MYOF: variants seen among roughly 807,000 people sequenced by gnomAD.
MYOF encodes the protein myoferlin, also known as fer-1-like 3, myoferlin.
In MYOF, 244 loss-of-function variants were observed where a neutral mutation model predicts 284.2. The observed-to-expected ratio is 0.86, with a 90% CI of 0.77 to 0.95. The LOEUF (loss-of-function observed/expected upper bound fraction) is 0.95. MYOF is among the 40% of genes least tolerant of loss of function. The probability of loss-of-function intolerance (pLI) is 0.00; values close to 1 mark genes in which losing one functional copy is unlikely to be tolerated. For synonymous variants in MYOF, 904 were observed against 919.7 expected (o/e 0.98, Z 0.31); for missense variants, 2,496 against 2,560.6 (o/e 0.97, Z 0.54).
rs779112671 is a variant in MYOF at position 93,333,801 on chromosome 10, A to G, written c.4676T>C (p.Ile1559Thr). The change falls in exon 42 of 54, where the codon ATT (isoleucine) becomes ACT (threonine). Residue 1559 changes from isoleucine to threonine, a missense_variant. Physicochemically the swap from Ile to Thr is moderately conservative, Grantham distance 89. Coordinates refer to ENST00000359263, the MANE Select transcript of MYOF (RefSeq NM_013451.4). The part of the protein sequence containing the change: ...VPQECTVRIY[I>T]VRGLELQPQD... ...GGGCTGGAGCTCTAAGCCTCGAACA[A>G]TGTAAATCCTAACCGTGCATTCCTG... 1 of 1,614,176 alleles carries G rather than the reference A, an allele frequency of 6.2e-7. No homozygotes were observed. Among genetic ancestry groups the G allele is most frequent in the South Asian group, 1.1e-5 (1 of 91,084 alleles).
Position 93,364,058 on chromosome 10 carries a change from T to C in MYOF, c.2771A>G (p.Asp924Gly). The C allele has an allele frequency of 3.1e-6, 5 of 1,614,138 alleles. No individual in the cohort carries two copies. Among genetic ancestry groups the C allele is most frequent in the Non-Finnish European group, 3.4e-6 (4 of 1,180,006 alleles). ...DPERSLLTEA[D>G]AGHTEFTDEV... ...ATCAGTGAACTCCGTGTGACCTGCA[T>C]CTGCCTCAGTCAGCAAGCTGTGGGG... is the stretch of plus-strand genomic sequence containing the variant. The change falls in exon 27 of 54, where the codon GAT (aspartate) becomes GGT (glycine). Residue 924 changes from aspartate to glycine, a missense_variant. Asp to Gly is a moderately conservative substitution (Grantham distance 94). Around this residue, in one of 3 missense-constraint regions of MYOF, gnomAD observed 2,436 missense variants for 2,480.7 expected, o/e 0.98. Transcript: ENST00000359263.
chr10:93,441,458 C>T lies in MYOF; in HGVS notation c.237-9942G>A, dbSNP rs529527807. Among the ~76,000 whole-genome samples, 6 of 151,820 alleles carry T rather than the reference C, an allele frequency of 4.0e-5. No individual in the cohort carries two copies. The East Asian group carries it at 7.8e-4, about 20-fold the overall frequency. ...GGAGTGCAGTGGTGCAATCTCAGCT[C>T]ATTGCAAGCTCCACCTCTTGAATTC... On this transcript the variant is annotated intron_variant, in intron 3 of 53. Coordinates refer to ENST00000359263, the MANE Select transcript of MYOF (RefSeq NM_013451.4).
intron 29 of MYOF, among the ~76,000 whole-genome samples, chr10:93,358,793 C>T (rs906945069): frequency 6.6e-6 from 1 of 151,994 alleles, no homozygotes; most frequent in Non-Finnish European, 1.5e-5. Context: ...ACACTGGGGC[C>T]GGCGGGTGGA....
chr10:93,360,995 T>C (rs1361447693), intron 28 of MYOF, among the ~76,000 whole-genome samples: 1 of 152,162 alleles, frequency 6.6e-6, no homozygotes, highest in African/African-American at 2.4e-5. Context: ...GATTCTACAT[T>C]TGGTTAGTCA....
At chr10:93,397,076 C>A in intron 15 of MYOF, 171 bp downstream of exon 15, 1 of 525,144 alleles carries the variant, frequency 1.9e-6, no homozygotes, top group South Asian at 3.2e-5. Context: ...GCTTTTTTTG[C>A]AGTAACACTA....
At position 93,313,134 on chromosome 10, in the gene MYOF, C is replaced by T. The variant is rs747282819; in HGVS notation, c.5775G>A (p.Pro1925=). The T allele has an allele frequency of 8.1e-6, 13 of 1,613,886 alleles. No homozygotes were observed. Among genetic ancestry groups the T allele is most frequent in the Middle Eastern group, 1.6e-4 (1 of 6,082 alleles). Residue 1925 remains proline, a synonymous_variant, in exon 51 of 54, where the codon CCG becomes CCA. Coordinates refer to ENST00000359263, the MANE Select transcript of MYOF (RefSeq NM_013451.4). ...SPEKCRLDMI[P]DLKAMNPLKA... ...TAAGGGGGTTCATGGCTTTGAGGTC[C>T]GGAATCATGTCCAATCTGCATTTCT...
intron 45 of MYOF, among the ~76,000 whole-genome samples, chr10:93,326,666 C>T (rs1259124794): frequency 6.6e-6 from 1 of 152,210 alleles, no homozygotes; most frequent in Non-Finnish European, 1.5e-5. Flanking sequence ...GCTCTGTCAT[C>T]CAGGCTGGAG....
rs777374013 is a variant in MYOF, at chr10:93,374,888, G to T, written c.2176C>A (p.Arg726=). The change falls in exon 23 of 54, where the codon CGG becomes AGG. Residue 726 remains arginine (R), a synonymous_variant. Transcript: ENST00000359263. ...TGTATTTGGGAGAGAGACCTGGACC[G>T]CAGCTTTCGGATCTGAGTATCGAGA... The part of the protein sequence containing the change: ...TVLDTQIRKL[R]SRSLSQIHEA... The T allele has an allele frequency of 6.2e-7, 1 of 1,614,022 alleles. No individual in the cohort carries two copies. The highest frequency in any genetic ancestry group is 8.5e-7 in the Non-Finnish European group (1 of 1,180,022).
At chr10:93,370,917 CTCTT>C (rs1303595100) in intron 24 of MYOF, among the ~76,000 whole-genome samples, 3 of 151,934 alleles carry the variant, frequency 2.0e-5, no homozygotes, top group African/African-American at 7.3e-5. Context: ...AGGAAAATAA[CTCTT>C]TATTTGTTGG....
At chr10:93,373,213 G>A in intron 23 of MYOF, 128 bp from the exon 24 acceptor site, 2 of 1,098,606 alleles carry the variant, frequency 1.8e-6, no homozygotes, top group Admixed American at 2.2e-5. Flanking sequence ...TTAGGGCTCT[G>A]TCTCAAATTC....
At chr10:93,394,069 A>G (rs1846831161) in intron 16 of MYOF, among the ~76,000 whole-genome samples, 1 of 152,112 alleles carries the variant, frequency 6.6e-6, no homozygotes. Flanking sequence ...ATTTGCTTAA[A>G]ATAATGCCAC....
intron 1 of MYOF, among the ~76,000 whole-genome samples, chr10:93,470,246 G>C (rs200464912): frequency 2.0e-4 from 4 of 20,136 alleles, no homozygotes; most frequent in South Asian, 5.0e-3. Context: ...AAAAAAGAAA[G>C]AAACAAAGAA....
At chr10:93,341,444 T>A (rs1843907011) in intron 38 of MYOF, among the ~76,000 whole-genome samples, 1 of 151,866 alleles carries the variant, frequency 6.6e-6, no homozygotes, top group Admixed American at 6.6e-5. Flanking sequence ...CCTGGCTAAT[T>A]TTTTGTATTT....
At position 93,378,693 on chromosome 10, in the gene MYOF, GTATATATATATATA is replaced by G. The variant is rs66859494; in HGVS notation, c.2001+1156_2001+1169del. 1.5e-4 allele frequency among the ~76,000 whole-genome samples: 13 copies of G among 87,894 alleles called. 1 individual carries two copies. The highest frequency in any genetic ancestry group is 5.3e-4 in the African/African-American group (11 of 20,766). The allele number at this position is 87,894 out of a possible 152,430, so 57.7% of individuals were successfully genotyped here. A position where few individuals can be genotyped will look rare whatever the true frequency, so the allele number is the denominator to read the frequency against. ...TATGTGTGTGTGTATGTGTGTGTGT[GTATATATATATATA>G]TATATATATGTATATATTTATCTTT... On this transcript the variant is annotated intron_variant, in intron 21 of 53. Coordinates refer to ENST00000359263, the MANE Select transcript of MYOF (RefSeq NM_013451.4).
chr10:93,406,288 TTATATATATATATATATA>T (rs3980375), intron 7 of MYOF, among the ~76,000 whole-genome samples: 8 of 58,128 alleles, frequency 1.4e-4, no homozygotes, highest in Non-Finnish European at 3.0e-4. Flanking sequence ...TAAACCTCTT[TTATATATATATATATATA>T]TATATATATA....
In MYOF at chr10:93,323,287, T is replaced by C. The variant is rs574441964; in HGVS notation, c.5343A>G (p.Thr1781=). 4 of 1,614,008 alleles carry C rather than the reference T, an allele frequency of 2.5e-6. No individual in the cohort carries two copies. Among genetic ancestry groups the C allele is most frequent in the East Asian group, 4.5e-5 (2 of 44,874 alleles). ...TGACTTACTTCTTGGCTTTCCGGGG[T>C]GTGATGTTGAAAGGAGGGCCTGGTG... ...LGPPGPPFNI[T]PRKAKKYYLR... is the part of the protein sequence containing the mutation. Residue 1781 remains threonine (T), a synonymous_variant, in exon 47 of 54, where the codon ACA becomes ACG. Coordinates refer to ENST00000359263, the MANE Select transcript of MYOF (RefSeq NM_013451.4).
intron 3 of MYOF, among the ~76,000 whole-genome samples, chr10:93,443,153 T>C (rs2056320960): frequency 6.6e-6 from 1 of 151,514 alleles, no homozygotes. Context: ...AGAGTGAGAC[T>C]CTGTCTCACA....
At chr10:93,393,008 A>G (rs1421252898) in intron 16 of MYOF, 53 bp from the exon 17 acceptor site, 1 of 1,492,310 alleles carries the variant, frequency 6.7e-7, no homozygotes, top group Non-Finnish European at 9.3e-7. Context: ...GCATTATAAA[A>G]CAGACATTGA....
intron 35 of MYOF, 143 bp downstream of exon 35, chr10:93,351,054 T>C (rs1844481337): frequency 7.1e-6 from 6 of 839,768 alleles, no homozygotes; most frequent in Non-Finnish European, 1.2e-5. Context: ...CTCCCATGAA[T>C]ACCTCCAGTT....
Sources: allele counts gnomAD v4.1 joint callset (sites outside exome capture counted in the v4.1 genomes callset), GRCh38; gene constraint gnomAD v4.1.1; regional missense constraint gnomAD v4.1.1; transcripts MANE v1.5; gene names NCBI Gene and HGNC (gene_info 2026-07-23, HGNC 2026-07-21).